The following DNAH3 variants were observed in gnomAD, a reference collection of about 807,000 sequenced individuals.
DNAH3 encodes axonemal beta dynein heavy chain 3.
DNAH3 carries 332 observed loss-of-function variants against 432.5 expected under a neutral mutation model. The observed-to-expected ratio is 0.77, with a 90% CI of 0.70 to 0.84. DNAH3 has a LOEUF of 0.84. DNAH3 is among the 40% of genes least tolerant of loss of function. The probability of loss-of-function intolerance (pLI) is 0.00; values close to 1 mark genes in which losing one functional copy is unlikely to be tolerated. For missense variants in DNAH3, 4,861 were observed against 5,114.0 expected, an observed-to-expected ratio of 0.95 and a Z score of 1.51; for synonymous variants, 1,956 against 1,900.2, an observed-to-expected ratio of 1.03 and a Z score of -0.76.
At chr16:21,027,930 C>T (rs981359075) in intron 37 of DNAH3, among the ~76,000 whole-genome samples, 1 of 152,202 alleles carries the variant, frequency 6.6e-6, no homozygotes, top group African/African-American at 2.4e-5. Context: ...TTTGAACACC[C>T]GCATGGACTA....
At position 20,969,772 on chromosome 16, in the gene DNAH3, C is replaced by T; in HGVS notation, c.8458+20G>A. Reference sequence around the variant, plus strand: ...AGGAAAGAGCAGCCTGTGCAGGCATCTGGGTGGGGTGGCACTTACCGGAGC... The same window carrying T: ...AGGAAAGAGCAGCCTGTGCAGGCATTTGGGTGGGGTGGCACTTACCGGAGC... On this transcript the variant is annotated intron_variant, in intron 52 of 61. Transcript: ENST00000261383. The T allele has an allele frequency of 6.2e-7, 1 of 1,613,922 alleles. No individual in the cohort carries two copies. Among genetic ancestry groups the T allele is most frequent in the Non-Finnish European group, 8.5e-7 (1 of 1,179,954 alleles).
chr16:20,948,546 C>T (rs1314924572), exon 57 of DNAH3: 3 of 1,614,096 alleles, frequency 1.9e-6, no homozygotes, highest in Non-Finnish European at 2.5e-6. Flanking sequence ...AATAGTCCTC[C>T]TCAATTTCCT....
rs752206716 is a variant in DNAH3, at chr16:21,122,025, T to TG, written c.1503dup (p.Asn502GlnfsTer5). ...TCCCAGCAGCCATCAAAAGATGGAT[T>TG]GAAGACAATAATGGGTTCACTGACT... On this transcript the variant is annotated frameshift_variant, in exon 10 of 62. Transcript: ENST00000261383. LOFTEE classifies it high-confidence loss of function. 9.3e-5 allele frequency: 150 copies of TG among 1,613,760 alleles called. No homozygotes were observed. The highest frequency in any genetic ancestry group is 1.7e-5 in the Non-Finnish European group (20 of 1,179,892).
chr16:21,062,761 G>A lies in DNAH3; in HGVS notation c.3519-78C>T, dbSNP rs61259453. 5,316 of 1,154,380 alleles carry A rather than the reference G, an allele frequency of 4.6e-3. 184 individuals carry two copies. The African/African-American group carries it at 0.071, about 15-fold the overall frequency. 71.5% of individuals were successfully genotyped at this position (1,154,380 alleles called of 1,614,324 possible). On this transcript the variant is annotated intron_variant, in intron 24 of 61. Transcript: ENST00000261383. Reference sequence around the variant, plus strand: ...CTAGCAAGGTGATACTTTCTGACAGGTAGTCCGCACCTACGTGAATACCAG... The same window carrying A: ...CTAGCAAGGTGATACTTTCTGACAGATAGTCCGCACCTACGTGAATACCAG...
rs944226870 is a variant in DNAH3, at chr16:21,039,726, G to C, written c.4730+126C>G. 119 of 796,688 alleles carry C rather than the reference G, an allele frequency of 1.5e-4. 11 individuals carry two copies. The highest frequency in any genetic ancestry group is 4.4e-6 in the Non-Finnish European group (2 of 450,330). 49.4% of individuals were successfully genotyped at this position (796,688 alleles called of 1,614,324 possible). A position where few individuals can be genotyped will look rare whatever the true frequency, so the allele number is the denominator to read the frequency against. On this transcript the variant is annotated intron_variant, in intron 33 of 61. Coordinates refer to ENST00000261383, the Ensembl canonical transcript of DNAH3. ...GGGCTATGTGCTCTCAGACCACCCAGTAAGCAGAAGCAAGTTTCTCAAGCT... is the reference window on the plus strand; with the variant it reads ...GGGCTATGTGCTCTCAGACCACCCACTAAGCAGAAGCAAGTTTCTCAAGCT...
chr16:20,971,395 A>G (rs1188634034), intron 51 of DNAH3, among the ~76,000 whole-genome samples: 1 of 152,106 alleles, frequency 6.6e-6, no homozygotes, highest in Non-Finnish European at 1.5e-5. Flanking sequence ...TGAGGAGATT[A>G]GAGAAAATTA....
At chr16:21,056,534 C>A (rs2090143401) in intron 27 of DNAH3, among the ~76,000 whole-genome samples, 1 of 150,186 alleles carries the variant, frequency 6.7e-6, no homozygotes, top group Non-Finnish European at 1.5e-5. Context: ...GACTATAAAT[C>A]CATGAGGAGA....
At chr16:20,965,121 C>G in exon 53 of DNAH3, 2 of 1,614,178 alleles carry the variant, frequency 1.2e-6, no homozygotes, top group Non-Finnish European at 1.7e-6. Flanking sequence ...TCTGGTTCAG[C>G]TTCTGCATCT....
At chr16:21,157,539 A>G in intron 1 of DNAH3, among the ~76,000 whole-genome samples, 1 of 152,068 alleles carries the variant, frequency 6.6e-6, no homozygotes, top group Non-Finnish European at 1.5e-5. Context: ...CATGTTGGCC[A>G]GGCTGGTCTG....
intron 8 of DNAH3, 148 bp downstream of exon 9, chr16:21,127,539 T>TGACA: frequency 1.1e-6 from 1 of 946,816 alleles, no homozygotes; most frequent in Non-Finnish European, 1.5e-6. Context: ...CCAGCCTGAG[T>TGACA]GACAGAAAGA....
At chr16:21,036,689 C>T in intron 35 of DNAH3, 25 bp downstream of exon 35, 3 of 1,608,192 alleles carry the variant, frequency 1.9e-6, no homozygotes, top group Non-Finnish European at 2.5e-6. Flanking sequence ...AAAACAGGCA[C>T]ATTTATATGG....
At chr16:21,115,843 C>T (rs1209570372) in intron 12 of DNAH3, among the ~76,000 whole-genome samples, 1 of 151,866 alleles carries the variant, frequency 6.6e-6, no homozygotes, top group Middle Eastern at 3.2e-3. Context: ...TAGAATCTCC[C>T]AAATCAAATT....
chr16:21,151,542 C>G (rs2092853201), intron 1 of DNAH3, among the ~76,000 whole-genome samples: 1 of 152,012 alleles, frequency 6.6e-6, no homozygotes, highest in African/African-American at 2.4e-5. Context: ...GTGATCCGCC[C>G]ACCTCGGCCT....
At chr16:21,140,540 A>G (rs1258711102) in exon 5 of DNAH3, 2 of 1,613,792 alleles carry the variant, frequency 1.2e-6, no homozygotes, top group South Asian at 1.1e-5. Flanking sequence ...ACGTACCTCC[A>G]GGTCCGATTC....
chr16:21,035,103 G>C (rs550838588), intron 35 of DNAH3, among the ~76,000 whole-genome samples: 1 of 152,176 alleles, frequency 6.6e-6, no homozygotes, highest in Non-Finnish European at 1.5e-5. Flanking sequence ...AAGGTGGGGG[G>C]ATCATTTGAG....
In DNAH3 at chr16:21,108,313, A is replaced by C. The variant is rs1252360809; in HGVS notation, c.2100-1639T>G. Among the ~76,000 whole-genome samples the C allele has an allele frequency of 2.0e-5, 3 of 152,210 alleles. No individual in the cohort carries two copies. The East Asian group carries it at 5.8e-4, about 29-fold the overall frequency. ...TCTTATTTTCACTTATATTAAAAAG[A>C]CCTAAGGACATTATACATTTATTTG... On this transcript the variant is annotated intron_variant, in intron 14 of 61. Coordinates refer to ENST00000261383, the Ensembl canonical transcript of DNAH3.
In DNAH3 at chr16:20,988,070, G is replaced by A. The variant is rs1374763733; in HGVS notation, c.6602-5C>T. The A allele has an allele frequency of 5.0e-6, 8 of 1,613,630 alleles. No individual in the cohort carries two copies. On this transcript the variant is annotated splice_region_variant and splice_polypyrimidine_tract_variant and intron_variant, in intron 44 of 61. Coordinates refer to ENST00000261383, the Ensembl canonical transcript of DNAH3. ...TCAGATGGCGAGTGAATCGTCCTGG[G>A]GAATACAACACACAAGTGAATCATC...
At chr16:21,121,259 G>T (rs1039623704) in intron 10 of DNAH3, among the ~76,000 whole-genome samples, 3 of 152,172 alleles carry the variant, frequency 2.0e-5, no homozygotes, top group Non-Finnish European at 4.4e-5. Context: ...CCATGTGCAT[G>T]ATCCTGTCTA....
chr16:21,039,888 A>G lies in DNAH3; in HGVS notation c.4694T>C (p.Ile1565Thr), dbSNP rs780369614. The G allele has an allele frequency of 3.7e-6, 6 of 1,613,696 alleles. No individual in the cohort carries two copies. In the East Asian group the frequency reaches 1.1e-4, roughly 30 times the overall value. The change falls in exon 33 of 62, where the codon ATC becomes ACC. Residue 1565 changes from isoleucine (I) to threonine (T), a missense_variant. Physicochemically the swap from Ile to Thr is moderately conservative, Grantham distance 89 (BLOSUM62 -1). Coordinates refer to ENST00000261383, the Ensembl canonical transcript of DNAH3. ...CAGAAACCCCATGGAGTAGAGGGAG[A>G]TTTCTCCAATGAGGGCGTAATCTGG... is the stretch of plus-strand genomic sequence containing the variant.
Sources: gnomAD v4.1 joint callset for allele counts (sites outside exome capture counted in the v4.1 genomes callset) on GRCh38, gnomAD v4.1.1 for gene constraint, MANE v1.5 for transcripts, NCBI Gene and HGNC (gene_info 2026-07-23, HGNC 2026-07-21) for gene names.